RBPMS: variants seen among roughly 807,000 people sequenced by gnomAD.
RBPMS encodes the protein RNA-binding protein with multiple splicing.
Under a neutral mutation model 26.8 loss-of-function variants are expected in RBPMS, and 7 were observed. The observed-to-expected ratio is 0.26, with a 90% CI of 0.15 to 0.49. The LOEUF (loss-of-function observed/expected upper bound fraction) is 0.49, where lower values mean the gene tolerates loss of function less well. Among genes scored for constraint, RBPMS ranks in the 20% least tolerant of loss-of-function variants. The probability of loss-of-function intolerance (pLI) is 0.98; values close to 1 mark genes in which losing one functional copy is unlikely to be tolerated. For missense variants in RBPMS, 186 were observed against 250.0 expected (o/e 0.74, Z 1.73); for synonymous variants, 96 against 93.3 (o/e 1.03, Z -0.17).
chr8:30,504,976 T>C (rs1820939877), intron 5 of RBPMS, among the ~76,000 whole-genome samples: 1 of 152,206 alleles, frequency 6.6e-6, no homozygotes, highest in Non-Finnish European at 1.5e-5. Flanking sequence ...AGTAAAACTT[T>C]AAGGAAATTT....
chr8:30,479,101 G>C (rs1363166260), intron 3 of RBPMS, among the ~76,000 whole-genome samples: 2 of 152,062 alleles, frequency 1.3e-5, no homozygotes, highest in Non-Finnish European at 2.9e-5. Flanking sequence ...CCCCAGCTGT[G>C]CTCTTGAAGA....
At chr8:30,388,640 A>AAAGCTAACTTATAGCTATAGCTAT (rs1563276201) in intron 1 of RBPMS, among the ~76,000 whole-genome samples, 5 of 147,338 alleles carry the variant, frequency 3.4e-5, no homozygotes, top group Non-Finnish European at 7.4e-5. Flanking sequence ...CTATAGCTAT[A>AAAGCTAACTTATAGCTATAGCTAT]AAGCTAACTT....
At chr8:30,468,308 A>G (rs1393690666) in intron 1 of RBPMS, among the ~76,000 whole-genome samples, 16 of 152,096 alleles carry the variant, frequency 1.1e-4, no homozygotes, top group Admixed American at 4.6e-4. Context: ...TCTGGTCTAT[A>G]TGGTCCTGAA....
At chr8:30,460,148 T>G (rs1815719162) in intron 1 of RBPMS, among the ~76,000 whole-genome samples, 1 of 152,238 alleles carries the variant, frequency 6.6e-6, no homozygotes, top group Admixed American at 6.5e-5. Flanking sequence ...GTAGCCTAAA[T>G]GTACTGAATG....
At chr8:30,488,094 A>T (rs1818985928) in intron 4 of RBPMS, among the ~76,000 whole-genome samples, 1 of 152,168 alleles carries the variant, frequency 6.6e-6, no homozygotes, top group South Asian at 2.1e-4. Context: ...TTGTATTTTG[A>T]ATTTTTAAAT....
intron 7 of RBPMS, among the ~76,000 whole-genome samples, chr8:30,560,729 T>A (rs1467688931): frequency 6.6e-6 from 1 of 152,132 alleles, no homozygotes; most frequent in Non-Finnish European, 1.5e-5. Flanking sequence ...ATCATGAATA[T>A]TTAAGAGGAG....
chr8:30,386,152 A>T (rs559587953), intron 1 of RBPMS, among the ~76,000 whole-genome samples: 1 of 152,334 alleles, frequency 6.6e-6, no homozygotes, highest in Non-Finnish European at 1.5e-5. Context: ...ACCCGAAAAG[A>T]TTCACACAGG....
intron 1 of RBPMS, among the ~76,000 whole-genome samples, chr8:30,473,873 T>G (rs909346370): frequency 1.3e-5 from 2 of 151,976 alleles, no homozygotes; most frequent in Admixed American, 6.6e-5. Context: ...TTCTCACAAG[T>G]GGGAGCTGAA....
chr8:30,447,412 T>G (rs546127336), intron 1 of RBPMS, among the ~76,000 whole-genome samples: 1 of 152,204 alleles, frequency 6.6e-6, no homozygotes, highest in Non-Finnish European at 1.5e-5. Flanking sequence ...GCGGTTAGAA[T>G]AGTAAAGTGT....
intron 1 of RBPMS, among the ~76,000 whole-genome samples, chr8:30,462,400 TTAAG>T (rs1816013569): frequency 2.0e-5 from 3 of 152,282 alleles, no homozygotes; most frequent in Admixed American, 6.5e-5. Context: ...TATTATAAAA[TTAAG>T]TAACATTATA....
chr8:30,479,181 C>G (rs1361175853), intron 3 of RBPMS, 134 bp from the exon 4 acceptor site: 1 of 672,250 alleles, frequency 1.5e-6, no homozygotes, highest in African/African-American at 1.8e-5. Flanking sequence ...TTCTTCGGGA[C>G]TTCGCTTTCT....
intron 1 of RBPMS, among the ~76,000 whole-genome samples, chr8:30,420,554 A>G (rs1563302075): frequency 6.6e-6 from 1 of 152,222 alleles, no homozygotes. Flanking sequence ...GTTTAAGGTC[A>G]CAGAGCTAGA....
chr8:30,545,155 C>T (rs1387406191), intron 6 of RBPMS: 2 of 1,306,098 alleles, frequency 1.5e-6, no homozygotes, highest in Admixed American at 4.6e-5. Flanking sequence ...TCCTTCTCTC[C>T]ATTTTCAGGA....
At chr8:30,556,747 T>C in intron 6 of RBPMS, 1 of 985,948 alleles carries the variant, frequency 1.0e-6, no homozygotes, top group Non-Finnish European at 1.2e-6. Flanking sequence ...ACTCTGCTCT[T>C]TGCTTAGTGA....
chr8:30,426,635 C>A lies in RBPMS; in HGVS notation c.66+41477C>A, dbSNP rs142673693. 1.1e-3 allele frequency among the ~76,000 whole-genome samples: 164 copies of A among 150,042 alleles called. 8 individuals carry two copies. In the East Asian group the frequency reaches 0.022, roughly 20 times the overall value. On this transcript the variant is annotated intron_variant, in intron 1 of 8. Coordinates refer to ENST00000397323, the MANE Select transcript of RBPMS (RefSeq NM_001008710.3). ...TCGTAGTTTCTAAAAGTCAAGGGAGCGAGGAAGGGAGAGTTTACTTTCTCA... is the reference window on the plus strand; with the variant it reads ...TCGTAGTTTCTAAAAGTCAAGGGAGAGAGGAAGGGAGAGTTTACTTTCTCA...
At chr8:30,525,491 A>G (rs923941521) in intron 5 of RBPMS, among the ~76,000 whole-genome samples, 4 of 152,248 alleles carry the variant, frequency 2.6e-5, no homozygotes, top group African/African-American at 9.6e-5. Context: ...ACACATGTAA[A>G]TGATATCCTT....
chr8:30,420,794 T>A (rs575046380), intron 1 of RBPMS, among the ~76,000 whole-genome samples: 2 of 152,292 alleles, frequency 1.3e-5, no homozygotes, highest in African/African-American at 4.8e-5. Context: ...TCGTGTTTCA[T>A]GTTGTAGTGT....
At chr8:30,515,673 G>C (rs1257162716) in intron 5 of RBPMS, among the ~76,000 whole-genome samples, 2 of 151,778 alleles carry the variant, frequency 1.3e-5, no homozygotes, top group East Asian at 3.9e-4. Flanking sequence ...TCTTTTTTAA[G>C]AGATGGGGGT....
intron 7 of RBPMS, among the ~76,000 whole-genome samples, chr8:30,560,647 C>G (rs1434916522): frequency 6.6e-6 from 1 of 152,184 alleles, no homozygotes; most frequent in Non-Finnish European, 1.5e-5. Context: ...GTGAAGTACA[C>G]AAATCCTTCC....
Sources: allele counts gnomAD v4.1 joint callset (sites outside exome capture counted in the v4.1 genomes callset), GRCh38; gene constraint gnomAD v4.1.1; transcripts MANE v1.5; gene names NCBI Gene and HGNC (gene_info 2026-07-23, HGNC 2026-07-21).